The following SAG variants were observed in gnomAD, a reference collection of about 807,000 sequenced individuals.
The protein encoded by SAG is S-antigen visual arrestin, also known as S-arrestin.
A neutral mutation model predicts 55.0 loss-of-function variants in SAG; 45 were observed. That is an observed-to-expected ratio of 0.82 (90% CI 0.64 to 1.05). The LOEUF (loss-of-function observed/expected upper bound fraction) is 1.05. Ranked by LOEUF, SAG falls within the 50% of genes least tolerant of loss-of-function variation. The pLI is 0.00. For missense variants in SAG, 455 were observed against 512.1 expected (o/e 0.89, Z 1.08); for synonymous variants, 189 against 197.4 (o/e 0.96, Z 0.36).
intron 6 of SAG, 49 bp from the exon 7 acceptor site, chr2:233,327,072 C>T (rs1158353337): frequency 6.8e-7 from 1 of 1,480,478 alleles, no homozygotes; most frequent in East Asian, 2.3e-5. Flanking sequence ...GCCCGGCACC[C>T]AGGGAGGGAG....
chr2:233,319,525 C>G lies in SAG; in HGVS notation c.181+730C>G. 1 of 947,388 alleles carries G rather than the reference C, an allele frequency of 1.1e-6. No homozygotes were observed. Among genetic ancestry groups the G allele is most frequent in the Non-Finnish European group, 1.3e-6 (1 of 792,788 alleles). 58.7% of individuals were successfully genotyped at this position (947,388 alleles called of 1,614,324 possible). On this transcript the variant is annotated intron_variant, in intron 4 of 15. Transcript: ENST00000409110. The surrounding 1 kb of genome is among the most constrained non-coding windows in gnomAD (Gnocchi z 4.4). ...TTTTGAGTGTTGCTACTGGCAACAT[C>G]AAGGAATTGTTCAGAACCCTGGATG...
chr2:233,343,261 G>C (rs6725503), intron 14 of SAG: 1 of 154,012 alleles, frequency 6.5e-6, no homozygotes, highest in Admixed American at 6.5e-5. Flanking sequence ...TTTTGTATTT[G>C]TAGTAGAGAC....
intron 14 of SAG, chr2:233,342,698 TC>T (rs1458045348): frequency 4.9e-6 from 1 of 204,030 alleles, no homozygotes; most frequent in Non-Finnish European, 9.9e-6. Context: ...ATTTTGCATT[TC>T]ATTTGGAAAC....
intron 5 of SAG, among the ~76,000 whole-genome samples, chr2:233,322,536 C>A (rs1471738868): frequency 6.6e-6 from 1 of 152,188 alleles, no homozygotes; most frequent in Non-Finnish European, 1.5e-5. Flanking sequence ...TGCAGTGGCT[C>A]ACACCTATAA....
At chr2:233,336,529 C>A (rs1192121349) in intron 11 of SAG, among the ~76,000 whole-genome samples, 17 of 147,920 alleles carry the variant, frequency 1.1e-4, no homozygotes, top group African/African-American at 3.0e-4. Context: ...AAAAAAAAAA[C>A]CAACCAACAA....
At chr2:233,330,514 TTCC>T in intron 9 of SAG, among the ~76,000 whole-genome samples, 1 of 148,202 alleles carries the variant, frequency 6.7e-6, no homozygotes, top group South Asian at 2.2e-4. Flanking sequence ...CCTTCCTTCC[TTCC>T]TTCCTTCCTT....
intron 2 of SAG, among the ~76,000 whole-genome samples, chr2:233,310,079 C>G (rs1295296147): frequency 6.6e-6 from 1 of 152,208 alleles, no homozygotes; most frequent in Non-Finnish European, 1.5e-5. Context: ...CCAGTCTGCC[C>G]CCTTTCCACC....
intron 13 of SAG, among the ~76,000 whole-genome samples, chr2:233,341,793 T>C (rs1051694698): frequency 6.6e-6 from 1 of 152,184 alleles, no homozygotes; most frequent in African/African-American, 2.4e-5. Flanking sequence ...CATAACAGCG[T>C]AAATGTATTT....
chr2:233,332,083 C>A (rs1431208060), intron 10 of SAG: 6 of 268,122 alleles, frequency 2.2e-5, no homozygotes, highest in Non-Finnish European at 4.3e-5. Context: ...ACTGTCAGCC[C>A]AGGCTAGGAT....
chr2:233,317,737 G>T (rs1279631829), intron 3 of SAG, among the ~76,000 whole-genome samples: 1 of 152,082 alleles, frequency 6.6e-6, no homozygotes, highest in Admixed American at 6.6e-5. Context: ...AATAATTTAT[G>T]GTACATCCAT....
At position 233,335,464 on chromosome 2, in the gene SAG, G is replaced by A. The variant is rs375049804; in HGVS notation, c.944+365G>A. Among the ~76,000 whole-genome samples the A allele has an allele frequency of 1.8e-3, 271 of 152,352 alleles. 9 individuals are homozygous for A. The South Asian group carries it at 0.054, about 30-fold the overall frequency. On this transcript the variant is annotated intron_variant, in intron 11 of 15. Coordinates refer to ENST00000409110, the MANE Select transcript of SAG (RefSeq NM_000541.5). The stretch of plus-strand genomic sequence containing the variant: ...TTCAGTGAGACAATCCATGTGAAGC[G>A]TGGGGCCTGACACACAGAGAGTGCT...
chr2:233,308,077 A>T (rs1423424337), intron 1 of SAG, 55 bp downstream of exon 1: 1 of 152,480 alleles, frequency 6.6e-6, no homozygotes, highest in Non-Finnish European at 1.5e-5. Context: ...AGGTGTGGGG[A>T]AGAGCAAGGA....
At chr2:233,329,636 C>T (rs1168226590) in intron 9 of SAG, 59 bp downstream of exon 9, 1 of 1,191,152 alleles carries the variant, frequency 8.4e-7, no homozygotes, top group Non-Finnish European at 1.2e-6. Context: ...GATCCTGTTT[C>T]CTGAGAGGTC....
chr2:233,342,433 C>T, intron 14 of SAG, 107 bp downstream of exon 14: 2 of 895,560 alleles, frequency 2.2e-6, no homozygotes, highest in Non-Finnish European at 3.6e-6. Context: ...TGGGAGTGGC[C>T]AGGTGTAAGA....
intron 7 of SAG, 63 bp from the exon 8 acceptor site, chr2:233,328,415 C>T: frequency 1.9e-6 from 3 of 1,574,496 alleles, no homozygotes; most frequent in Non-Finnish European, 2.6e-6. Flanking sequence ...GGGGAGAGAA[C>T]AGAAGCCTCC....
At position 233,340,160 on chromosome 2, in the gene SAG, T is replaced by C. The variant is rs530467263; in HGVS notation, c.1023-295T>C. The stretch of plus-strand genomic sequence containing the variant: ...TTAGTAGAGATGGGGTTTTACCACG[T>C]TGGTCAGGCTGGTCTGGAACTCATG... On this transcript the variant is annotated intron_variant, in intron 12 of 15. Coordinates refer to ENST00000409110, the MANE Select transcript of SAG (RefSeq NM_000541.5). The surrounding 1 kb of genome is among the most constrained non-coding windows in gnomAD (Gnocchi z 4.2). 6.6e-6 allele frequency among the ~76,000 whole-genome samples: 1 copy of C among 152,074 alleles called. No homozygotes were observed. Among genetic ancestry groups the C allele is most frequent in the South Asian group, 2.1e-4 (1 of 4,816 alleles).
At chr2:233,316,035 C>A in intron 2 of SAG, 40 bp from the exon 3 acceptor site, 1 of 1,269,530 alleles carries the variant, frequency 7.9e-7, no homozygotes, top group Non-Finnish European at 1.1e-6. Context: ...CTTAGCTTAG[C>A]ATTCTTTGGC....
chr2:233,342,167 G>T, intron 13 of SAG, 104 bp from the exon 14 acceptor site: 1 of 808,270 alleles, frequency 1.2e-6, no homozygotes, highest in Non-Finnish European at 2.0e-6. Flanking sequence ...CTTTCAGCTT[G>T]GGCCTGGGGA....
At chr2:233,310,448 G>A (rs552884950) in intron 2 of SAG, among the ~76,000 whole-genome samples, 36 of 151,712 alleles carry the variant, frequency 2.4e-4, no homozygotes, top group African/African-American at 8.2e-4. Context: ...TCAGGTGTCC[G>A]GGAGCCACCT....
Sources: allele counts gnomAD v4.1 joint callset (sites outside exome capture counted in the v4.1 genomes callset), GRCh38; gene constraint gnomAD v4.1.1; non-coding constraint Gnocchi (gnomAD v3.1); transcripts MANE v1.5; gene names NCBI Gene and HGNC (gene_info 2026-07-23, HGNC 2026-07-21).